Variants in PARVA observed in about 807,000 individuals in gnomAD.
PARVA encodes parvin alpha.
PARVA carries 25 observed loss-of-function variants against 52.6 expected under a neutral mutation model. The observed-to-expected ratio is 0.48, with a 90% CI of 0.35 to 0.66. The LOEUF (loss-of-function observed/expected upper bound fraction) is 0.66, where lower values mean the gene tolerates loss of function less well. Among genes scored for constraint, PARVA ranks in the 30% least tolerant of loss-of-function variants. The pLI, the probability that PARVA is intolerant of heterozygous loss-of-function variation, is 0.01. For synonymous variants in PARVA, 185 were observed against 179.1 expected (o/e 1.03, Z -0.26); for missense variants, 373 against 450.9 (o/e 0.83, Z 1.56).
chr11:12,504,774 G>GGTGTGGGTGT lies in PARVA; in HGVS notation c.657+350_657+351insGGTGTGTGTG, dbSNP rs1554901961. On this transcript the variant is annotated intron_variant, in intron 6 of 12. Transcript: ENST00000334956. ...ATGGGGTCAGGAGGAAAGGTATGTG[G>GGTGTGGGTGT]GTGTGTGTGTGTGTGTGTGAGTTTG... 4.7e-5 allele frequency among the ~76,000 whole-genome samples: 7 copies of GGTGTGGGTGT among 149,240 alleles called. No homozygotes were observed. The South Asian group carries it at 6.4e-4, about 14-fold the overall frequency.
At chr11:12,386,797 T>C (rs1277876548) in intron 1 of PARVA, among the ~76,000 whole-genome samples, 1 of 152,246 alleles carries the variant, frequency 6.6e-6, no homozygotes, top group African/African-American at 2.4e-5. Context: ...TCTGAGCTCT[T>C]ATTTCACCCA....
At chr11:12,448,106 G>C (rs138637657) in intron 1 of PARVA, among the ~76,000 whole-genome samples, 1 of 152,104 alleles carries the variant, frequency 6.6e-6, no homozygotes, top group African/African-American at 2.4e-5. Flanking sequence ...ATTGAATCAC[G>C]TGCAGGGCTG....
At chr11:12,458,160 T>C (rs572322509) in intron 1 of PARVA, among the ~76,000 whole-genome samples, 1 of 152,328 alleles carries the variant, frequency 6.6e-6, no homozygotes, top group Admixed American at 6.5e-5. Flanking sequence ...GTGATCACGA[T>C]TGTATTAACA....
At position 12,492,138 on chromosome 11, in the gene PARVA, A is replaced by G. The variant is rs141941772; in HGVS notation, c.401-4320A>G. ...ACAATTGTGTTTGTTAGAACATCTC[A>G]GTTCTCCCACCATTCAGGGTAATTG... On this transcript the variant is annotated intron_variant, in intron 4 of 12. Coordinates refer to ENST00000334956, the MANE Select transcript of PARVA (RefSeq NM_018222.5). Among the ~76,000 whole-genome samples the G allele has an allele frequency of 6.9e-3, 1,056 of 152,336 alleles. 9 individuals are homozygous for G. Among genetic ancestry groups the G allele is most frequent in the Middle Eastern group, 0.02 (6 of 294 alleles).
At chr11:12,444,902 G>A (rs1289357535) in intron 1 of PARVA, among the ~76,000 whole-genome samples, 2 of 152,152 alleles carry the variant, frequency 1.3e-5, no homozygotes, top group Admixed American at 1.3e-4. Context: ...TGTGCCTGGT[G>A]GTCTATCTGG....
chr11:12,400,552 G>GA (rs1411395663), intron 1 of PARVA, among the ~76,000 whole-genome samples: 1 of 152,106 alleles, frequency 6.6e-6, no homozygotes, highest in Non-Finnish European at 1.5e-5. Flanking sequence ...CTTGTCTTTA[G>GA]AAAAATGCAC....
Position 12,527,972 on chromosome 11 carries a change from G to C in PARVA, c.*47G>C, listed in dbSNP as rs371607200. On this transcript the variant is annotated 3_prime_UTR_variant, in exon 13 of 13. Coordinates refer to ENST00000334956, the MANE Select transcript of PARVA (RefSeq NM_018222.5). ...CTGCCCAAGAGTTCTTGCTGTTGGC[G>C]TACTGGACCCTCCTCCGAACTGCCT... 5 of 1,358,792 alleles carry C rather than the reference G, an allele frequency of 3.7e-6. No individual in the cohort carries two copies. The highest frequency in any genetic ancestry group is 5.3e-6 in the Non-Finnish European group (5 of 948,554). The allele number at this position is 1,358,792 out of a possible 1,614,324, so 84.2% of individuals were successfully genotyped here.
chr11:12,429,782 G>A (rs1160311743), intron 1 of PARVA, among the ~76,000 whole-genome samples: 1 of 152,164 alleles, frequency 6.6e-6, no homozygotes, highest in Non-Finnish European at 1.5e-5. Flanking sequence ...ACCTTGAGCA[G>A]TAGGATATAA....
intron 1 of PARVA, among the ~76,000 whole-genome samples, chr11:12,415,128 GACTTA>G (rs201171525): frequency 0.07 from 10,719 of 152,240 alleles, 416 homozygotes; most frequent in South Asian, 0.13. Context: ...AGAATGTCAT[GACTTA>G]GGGAGAGAGT....
intron 1 of PARVA, among the ~76,000 whole-genome samples, chr11:12,426,068 A>G (rs1383928289): frequency 1.3e-5 from 2 of 150,568 alleles, no homozygotes; most frequent in Non-Finnish European, 3.0e-5. Flanking sequence ...CAAAGCAAAC[A>G]TGGTTCATGG....
chr11:12,489,576 CATA>C (rs1323322593), intron 4 of PARVA, among the ~76,000 whole-genome samples: 1 of 152,026 alleles, frequency 6.6e-6, no homozygotes, highest in Non-Finnish European at 1.5e-5. Context: ...TTAAAGAAAA[CATA>C]ATGAATGAGA....
intron 1 of PARVA, among the ~76,000 whole-genome samples, chr11:12,459,686 T>C (rs1004359726): frequency 1.3e-5 from 2 of 152,284 alleles, no homozygotes; most frequent in African/African-American, 2.4e-5. Context: ...TTATGGCATA[T>C]AGAAATATAA....
At chr11:12,407,829 G>T (rs10831809) in intron 1 of PARVA, among the ~76,000 whole-genome samples, 3 of 151,984 alleles carry the variant, frequency 2.0e-5, no homozygotes, top group Non-Finnish European at 4.4e-5. Flanking sequence ...TTTTGTGATT[G>T]GAGGCCTTTT....
intron 1 of PARVA, among the ~76,000 whole-genome samples, chr11:12,424,814 A>G (rs543524402): frequency 6.6e-6 from 1 of 152,296 alleles, no homozygotes; most frequent in South Asian, 2.1e-4. Flanking sequence ...AGCATCCACC[A>G]AAGAATTCTT....
intron 1 of PARVA, among the ~76,000 whole-genome samples, chr11:12,464,451 T>G (rs2135026990): frequency 6.6e-6 from 1 of 152,318 alleles, no homozygotes; most frequent in African/African-American, 2.4e-5. Context: ...ATCAGCACTG[T>G]TAACCCATAC....
intron 1 of PARVA, among the ~76,000 whole-genome samples, chr11:12,442,867 C>CTTT (rs66540463): frequency 5.5e-5 from 8 of 145,198 alleles, no homozygotes; most frequent in Non-Finnish European, 9.0e-5. Context: ...ACTTGACTTC[C>CTTT]TTTTTTTTTT....
chr11:12,484,790 G>C (rs532811739), intron 4 of PARVA, among the ~76,000 whole-genome samples: 7 of 149,086 alleles, frequency 4.7e-5, no homozygotes, highest in Non-Finnish European at 1.0e-4. Flanking sequence ...GGGTATTTTG[G>C]TGTTTGATTT....
chr11:12,490,394 G>T (rs1236074741), intron 4 of PARVA, among the ~76,000 whole-genome samples: 2 of 151,096 alleles, frequency 1.3e-5, no homozygotes, highest in African/African-American at 2.4e-5. Context: ...CAATAGTGGC[G>T]CACACCTGTA....
At chr11:12,519,093 T>C (rs1941607951) in intron 12 of PARVA, among the ~76,000 whole-genome samples, 1 of 152,234 alleles carries the variant, frequency 6.6e-6, no homozygotes, top group African/African-American at 2.4e-5. Context: ...ACGCTTCTCT[T>C]AGTAGTCTTG....
Sources: allele counts gnomAD v4.1 joint callset (sites outside exome capture counted in the v4.1 genomes callset), GRCh38; gene constraint gnomAD v4.1.1; transcripts MANE v1.5; gene names NCBI Gene and HGNC (gene_info 2026-07-23, HGNC 2026-07-21).